Variants in UNC13A observed in about 807,000 individuals in gnomAD.
UNC13A encodes the protein protein unc-13 homolog A.
In UNC13A, 61 loss-of-function variants were observed where a neutral mutation model predicts 219.7. The ratio of observed to expected loss-of-function variants is 0.28; its 90% confidence interval spans 0.23 to 0.34. UNC13A has a LOEUF of 0.34. Ranked by LOEUF, UNC13A falls within the 10% of genes least tolerant of loss-of-function variation. The pLI, the probability that UNC13A is intolerant of heterozygous loss-of-function variation, is 1.00. For synonymous variants in UNC13A, 920 were observed against 884.6 expected (o/e 1.04, Z -0.71); for missense variants, 1,476 against 2,270.3 (o/e 0.65, Z 7.11).
Position 17,642,921 on chromosome 19 carries a change from C to T in UNC13A, c.2396G>A (p.Arg799Gln). The T allele has an allele frequency of 3.1e-6, 5 of 1,610,078 alleles. 1 individual carries two copies. Among genetic ancestry groups the T allele is most frequent in the Admixed American group, 1.7e-5 (1 of 59,444 alleles). The change falls in exon 20 of 44, where the codon CGG becomes CAG. Residue 799 changes from arginine (R) to glutamine (Q), a missense_variant. This residue lies in a region of UNC13A where 66 missense variants were observed against 224.3 expected (regional missense o/e 0.29). Transcript: ENST00000519716. ...TTTGATCTCCACACTGATGTGGAGC[C>T]GGATGGCACCCGACACGGCAGATTT... Reference protein sequence around the residue: ...TDKSAVSGAIRLHISVEIKGE... With the variant: ...TDKSAVSGAIQLHISVEIKGE...
chr19:17,623,416 G>A (rs909795237), intron 36 of UNC13A, 126 bp downstream of exon 36: 23 of 728,402 alleles, frequency 3.2e-5, no homozygotes, highest in Admixed American at 1.8e-4. Flanking sequence ...ACATCTAGGC[G>A]GGAGGGAGGA....
chr19:17,666,664 G>A lies in UNC13A; in HGVS notation c.509C>T (p.Pro170Leu). 6.5e-7 allele frequency: 1 copy of A among 1,531,660 alleles called. No homozygotes were observed. The highest frequency in any genetic ancestry group is 2.0e-5 in the Admixed American group (1 of 49,886). The allele number at this position is 1,531,660 out of a possible 1,614,324, so 94.9% of individuals were successfully genotyped here. A position where few individuals can be genotyped will look rare whatever the true frequency, so the allele number is the denominator to read the frequency against. ...GAGGTACTTACAGCACTGGTTGCTGGGGACAGGCAGAGGCTTGTCTTGCTC... is the reference window on the plus strand; with the variant it reads ...GAGGTACTTACAGCACTGGTTGCTGAGGACAGGCAGAGGCTTGTCTTGCTC... ...QDEQDKPLPV[P>L]SNQCCNWNYF... Residue 170 changes from proline to leucine, a missense_variant, in exon 7 of 44, where the codon CCC (proline) becomes CTC (leucine). Around this residue, in one of 14 missense-constraint regions of UNC13A, gnomAD observed 203 missense variants for 301.6 expected, o/e 0.67. Coordinates refer to ENST00000519716, the MANE Select transcript of UNC13A (RefSeq NM_001080421.3).
chr19:17,633,051 CAG>C, intron 27 of UNC13A, 55 bp downstream of exon 27: 1 of 1,609,686 alleles, frequency 6.2e-7, no homozygotes. Context: ...GGAGGGGACA[CAG>C]AGGTACAGCC....
intron 19 of UNC13A, among the ~76,000 whole-genome samples, chr19:17,643,601 C>G (rs771439198): frequency 1.3e-5 from 2 of 152,156 alleles, no homozygotes; most frequent in Non-Finnish European, 2.9e-5. Context: ...AATAGATACA[C>G]GATTCTGTAG....
chr19:17,670,388 G>A (rs2079762516), intron 4 of UNC13A, among the ~76,000 whole-genome samples: 1 of 151,496 alleles, frequency 6.6e-6, no homozygotes, highest in Non-Finnish European at 1.5e-5. Context: ...TTACAGGTAC[G>A]TGCCAGCACT....
chr19:17,669,470 G>A, intron 5 of UNC13A, 83 bp downstream of exon 5: 1 of 1,552,004 alleles, frequency 6.4e-7, no homozygotes, highest in East Asian at 2.3e-5. Flanking sequence ...GACCTACCCA[G>A]GCCTGTTCAC....
In UNC13A at chr19:17,647,502, C is replaced by A. The variant is rs75887471; in HGVS notation, c.1817-10G>T. On this transcript the variant is annotated splice_polypyrimidine_tract_variant and intron_variant, in intron 16 of 43. Coordinates refer to ENST00000519716, the MANE Select transcript of UNC13A (RefSeq NM_001080421.3). ...CTCTTCTCCGCAGCCCCTGAGGACG[C>A]CCGAGGCCGGCGCTGACCCCAGCGC... The A allele has an allele frequency of 0.031, 49,487 of 1,609,654 alleles. 5,096 individuals are homozygous for A. The East Asian group carries it at 0.37, about 12-fold the overall frequency.
chr19:17,657,994 C>T (rs958310769), intron 9 of UNC13A, 68 bp downstream of exon 9: 2 of 1,531,340 alleles, frequency 1.3e-6, no homozygotes, highest in African/African-American at 2.7e-5. Context: ...TGTCCAGCCC[C>T]GTACCCCTCT....
At chr19:17,680,869 CT>C (rs71162171) in intron 1 of UNC13A, among the ~76,000 whole-genome samples, 1,464 of 106,408 alleles carry the variant, frequency 0.014, 13 homozygotes, top group Non-Finnish European at 0.021. Context: ...TCTTCTTCTT[CT>C]TTTTTTTTCT....
chr19:17,680,428 C>A (rs951146496), intron 1 of UNC13A, among the ~76,000 whole-genome samples: 11 of 151,376 alleles, frequency 7.3e-5, no homozygotes, highest in Non-Finnish European at 1.3e-4. Flanking sequence ...GACAGGGGGG[C>A]GGGGATGAGG....
intron 8 of UNC13A, 109 bp downstream of exon 8, chr19:17,663,423 G>A (rs372191585): frequency 4.1e-4 from 534 of 1,303,056 alleles, no homozygotes; most frequent in Middle Eastern, 1.2e-3. Flanking sequence ...CCACGTGCTC[G>A]TCACAGGCTC....
intron 19 of UNC13A, among the ~76,000 whole-genome samples, chr19:17,644,387 T>C (rs1050349118): frequency 2.6e-5 from 4 of 151,508 alleles, no homozygotes; most frequent in Non-Finnish European, 4.4e-5. Context: ...AAAGGCCTTG[T>C]TATGTTGCCC....
intron 7 of UNC13A, among the ~76,000 whole-genome samples, chr19:17,666,042 C>T (rs1452465718): frequency 1.3e-5 from 1 of 76,032 alleles, no homozygotes; most frequent in Non-Finnish European, 2.9e-5. Context: ...TTTCATCAAG[C>T]CCAAGTCTCA....
At chr19:17,673,892 T>A (rs967348388) in intron 3 of UNC13A, among the ~76,000 whole-genome samples, 1 of 151,980 alleles carries the variant, frequency 6.6e-6, no homozygotes, top group Non-Finnish European at 1.5e-5. Context: ...ACGCTTGTAA[T>A]CCCAGCTAGT....
chr19:17,631,222 T>TCCTTCCTTC (rs59519256), intron 28 of UNC13A, among the ~76,000 whole-genome samples: 2 of 32,388 alleles, frequency 6.2e-5, no homozygotes, highest in African/African-American at 2.5e-4. Flanking sequence ...CTTCCTTCCT[T>TCCTTCCTTC]CTTCCTTCCT....
At chr19:17,645,625 G>T in intron 19 of UNC13A, 49 bp downstream of exon 19, 1 of 1,608,068 alleles carries the variant, frequency 6.2e-7, no homozygotes, top group South Asian at 1.1e-5. Context: ...TGCTCTGGCT[G>T]GATCCCTGGG....
chr19:17,606,087 G>T lies in UNC13A; in HGVS notation c.5079C>A (p.Ser1693=), dbSNP rs3746198. Residue 1693 remains serine (S), a synonymous_variant, in exon 44 of 44, where the codon TCC becomes TCA. Coordinates refer to ENST00000519716, the MANE Select transcript of UNC13A (RefSeq NM_001080421.3). ...EFVKLKSDTR[S]AEEGGAAPAP ...CAGGCGCGGCACCGCCCTCCTCGGCGGAGCGCGTGTCCGACTTGAGCTTCA... is the reference window on the plus strand; with the variant it reads ...CAGGCGCGGCACCGCCCTCCTCGGCTGAGCGCGTGTCCGACTTGAGCTTCA... 0.092 allele frequency: 146,639 copies of T among 1,588,116 alleles called. 7,527 individuals are homozygous for T. The highest frequency in any genetic ancestry group is 0.19 in the African/African-American group (13,591 of 71,752).
At chr19:17,675,944 C>A in intron 2 of UNC13A, 68 bp downstream of exon 2, 1 of 1,534,302 alleles carries the variant, frequency 6.5e-7, no homozygotes, top group Non-Finnish European at 8.8e-7. Flanking sequence ...GGACCCCCTC[C>A]CAGTCTCTCC....
chr19:17,618,363 A>G, intron 40 of UNC13A, 58 bp downstream of exon 40: 1 of 1,528,594 alleles, frequency 6.5e-7, no homozygotes, highest in Non-Finnish European at 8.9e-7. Context: ...GTCCATGACC[A>G]CAGCAGCCAC....
Sources: gnomAD v4.1 joint callset for allele counts (sites outside exome capture counted in the v4.1 genomes callset) on GRCh38, gnomAD v4.1.1 for gene constraint, gnomAD v4.1.1 regional missense constraint, MANE v1.5 for transcripts, NCBI Gene and HGNC (gene_info 2026-07-23, HGNC 2026-07-21) for gene names.